Variants in CSMD2 observed in about 807,000 individuals in gnomAD.
CSMD2 encodes CUB and sushi domain-containing protein 2.
A neutral mutation model predicts 398.5 loss-of-function variants in CSMD2; 130 were observed. The observed-to-expected ratio is 0.33, with a 90% CI of 0.28 to 0.38. CSMD2 has a LOEUF of 0.38. Among genes scored for constraint, CSMD2 ranks in the 10% least tolerant of loss-of-function variants. CSMD2 has a pLI of 1.00. For missense variants in CSMD2, 3,829 were observed against 4,764.9 expected, an observed-to-expected ratio of 0.80 and a Z score of 5.78; for synonymous variants, 1,828 against 1,908.5, an observed-to-expected ratio of 0.96 and a Z score of 1.10.
intron 1 of CSMD2, among the ~76,000 whole-genome samples, chr1:34,116,426 C>T (rs1661603876): frequency 2.0e-5 from 3 of 151,860 alleles, no homozygotes; most frequent in South Asian, 4.1e-4. Flanking sequence ...AAAAAAGGGT[C>T]AATTCAACAA....
chr1:33,814,527 C>G (rs1395626782), intron 9 of CSMD2, among the ~76,000 whole-genome samples: 1 of 152,102 alleles, frequency 6.6e-6, no homozygotes, highest in Non-Finnish European at 1.5e-5. Flanking sequence ...TTGGAGGGAA[C>G]AGAAGCCATA....
At chr1:33,783,533 C>A (rs992053396) in intron 12 of CSMD2, among the ~76,000 whole-genome samples, 1 of 151,632 alleles carries the variant, frequency 6.6e-6, no homozygotes, top group Non-Finnish European at 1.5e-5. Context: ...AGGTAGCTGT[C>A]TACAAGCCAC....
chr1:33,949,155 G>C (rs549966180), intron 3 of CSMD2, among the ~76,000 whole-genome samples: 56 of 152,348 alleles, frequency 3.7e-4, no homozygotes, highest in African/African-American at 1.3e-3. Flanking sequence ...ACCCAGCTTA[G>C]AGAGCTGTTG....
intron 1 of CSMD2, among the ~76,000 whole-genome samples, chr1:34,150,079 C>CTTTTTT (rs772520303): frequency 3.6e-5 from 5 of 138,086 alleles, no homozygotes; most frequent in African/African-American, 1.4e-4. Flanking sequence ...TTTCTTCTTT[C>CTTTTTT]TTTTTTTTTT....
At chr1:33,975,852 C>A (rs1645944067) in intron 3 of CSMD2, among the ~76,000 whole-genome samples, 1 of 152,266 alleles carries the variant, frequency 6.6e-6, no homozygotes. Flanking sequence ...AGGGAGAAAC[C>A]CAGCAGGTGG....
intron 2 of CSMD2, among the ~76,000 whole-genome samples, chr1:34,088,598 C>T (rs535204247): frequency 1.3e-5 from 2 of 152,242 alleles, no homozygotes; most frequent in African/African-American, 4.8e-5. Context: ...GTTTCAAATA[C>T]TGTGACGCAA....
At chr1:34,110,714 A>C (rs985098177) in intron 1 of CSMD2, among the ~76,000 whole-genome samples, 12 of 152,148 alleles carry the variant, frequency 7.9e-5, no homozygotes, top group African/African-American at 2.9e-4. Flanking sequence ...GGACACAAAG[A>C]GGCGAGCAAC....
intron 13 of CSMD2, among the ~76,000 whole-genome samples, chr1:33,767,332 T>C (rs1038500391): frequency 1.3e-5 from 2 of 152,244 alleles, no homozygotes; most frequent in Admixed American, 1.3e-4. Flanking sequence ...AATATGAATA[T>C]TTTCTTTATT....
intron 5 of CSMD2, among the ~76,000 whole-genome samples, chr1:33,909,822 C>G (rs1347336929): frequency 6.6e-6 from 1 of 152,168 alleles, no homozygotes; most frequent in Non-Finnish European, 1.5e-5. Flanking sequence ...GAATTCGTAA[C>G]CAAGGGCAGC....
At chr1:33,979,709 G>A (rs964804371) in intron 3 of CSMD2, among the ~76,000 whole-genome samples, 9 of 152,108 alleles carry the variant, frequency 5.9e-5, no homozygotes, top group African/African-American at 2.2e-4. Flanking sequence ...GTGTGTGTGT[G>A]TACTTTTGTG....
intron 15 of CSMD2, among the ~76,000 whole-genome samples, chr1:33,738,534 T>C (rs531038102): frequency 6.6e-6 from 1 of 152,198 alleles, no homozygotes; most frequent in African/African-American, 2.4e-5. Context: ...GTCTTGAAAA[T>C]TGAGTCAAAA....
chr1:33,793,013 A>G (rs1654505953), intron 10 of CSMD2, among the ~76,000 whole-genome samples: 1 of 152,156 alleles, frequency 6.6e-6, no homozygotes, highest in Non-Finnish European at 1.5e-5. Context: ...AGATTTCAAC[A>G]AGATTCCCCC....
intron 44 of CSMD2, among the ~76,000 whole-genome samples, chr1:33,590,651 T>TTGA (rs1639378884): frequency 6.9e-6 from 1 of 144,602 alleles, no homozygotes; most frequent in Non-Finnish European, 1.5e-5. Flanking sequence ...TCTTACCACA[T>TTGA]TGATGGTATC....
chr1:33,537,409 C>G lies in CSMD2; in HGVS notation c.9805+27G>C, dbSNP rs527376415. On this transcript the variant is annotated intron_variant, in intron 61 of 70. Coordinates refer to ENST00000373381, the MANE Select transcript of CSMD2 (RefSeq NM_001281956.2). This position sits in a 1 kb window ranked among gnomAD's most constrained non-coding sequence, Gnocchi z 4.6. ...AGGTCTCCCGCAACCCCAGCCAAGACGCTCCCTGCTCCAGATGACCTCTCA... is the reference window on the plus strand; with the variant it reads ...AGGTCTCCCGCAACCCCAGCCAAGAGGCTCCCTGCTCCAGATGACCTCTCA... 6.3e-7 allele frequency: 1 copy of G among 1,588,730 alleles called. No individual in the cohort carries two copies. Among genetic ancestry groups the G allele is most frequent in the Non-Finnish European group, 8.6e-7 (1 of 1,166,226 alleles).
chr1:33,549,458 C>T lies in CSMD2; in HGVS notation c.8917+719G>A, dbSNP rs375855833. On this transcript the variant is annotated intron_variant, in intron 56 of 70. Transcript: ENST00000373381. ...TTGGTGGTTTCTGCTATTGGCAGGA[C>T]AATTCACTTGCAAAATTTTGTTCTG... Among the ~76,000 whole-genome samples the T allele has an allele frequency of 7.9e-5, 12 of 152,340 alleles. No individual in the cohort carries two copies. The South Asian group carries it at 2.5e-3, about 32-fold the overall frequency.
chr1:33,582,222 G>A (rs1401133759), intron 47 of CSMD2, among the ~76,000 whole-genome samples: 1 of 152,192 alleles, frequency 6.6e-6, no homozygotes, highest in Non-Finnish European at 1.5e-5. Flanking sequence ...ACAGTCAGAA[G>A]CAAAGTTGGC....
chr1:33,700,220 G>A (rs1645564829), intron 23 of CSMD2, among the ~76,000 whole-genome samples: 1 of 152,060 alleles, frequency 6.6e-6, no homozygotes, highest in African/African-American at 2.4e-5. Context: ...TCTTGGCCAG[G>A]CTGGTCTTGA....
chr1:33,825,932 G>A (rs1196018868), intron 6 of CSMD2, among the ~76,000 whole-genome samples, 158 bp from the exon 7 acceptor site: 1 of 152,166 alleles, frequency 6.6e-6, no homozygotes, highest in Non-Finnish European at 1.5e-5. Flanking sequence ...GTGGTCAAGG[G>A]CAATAGGACC....
chr1:34,123,818 C>CAAA (rs1038639544), intron 1 of CSMD2, among the ~76,000 whole-genome samples: 6 of 150,826 alleles, frequency 4.0e-5, no homozygotes, highest in Admixed American at 6.6e-5. Context: ...GAAAAAAAAA[C>CAAA]AACAACATGG....
Sources: allele counts gnomAD v4.1 joint callset (sites outside exome capture counted in the v4.1 genomes callset), GRCh38; gene constraint gnomAD v4.1.1; non-coding constraint Gnocchi (gnomAD v3.1); transcripts MANE v1.5; gene names NCBI Gene and HGNC (gene_info 2026-07-23, HGNC 2026-07-21).